Variants in SYNE1 observed in about 807,000 individuals in gnomAD.
SYNE1 encodes the protein spectrin repeat containing nuclear envelope protein 1.
In SYNE1, 616 loss-of-function variants were observed where a neutral mutation model predicts 1,111.0. The ratio of observed to expected loss-of-function variants is 0.55; its 90% CI spans 0.52 to 0.59. The LOEUF (loss-of-function observed/expected upper bound fraction) is 0.59. SYNE1 is among the 20% of genes least tolerant of loss of function. The probability of loss-of-function intolerance (pLI) is 0.00; values close to 1 mark genes in which losing one functional copy is unlikely to be tolerated. For missense variants in SYNE1, 10,006 were observed against 10,417.0 expected, an observed-to-expected ratio of 0.96 and a Z score of 1.72; for synonymous variants, 3,855 against 3,825.8, an observed-to-expected ratio of 1.01 and a Z score of -0.28.
At chr6:152,514,464 AC>A in intron 6 of SYNE1, among the ~76,000 whole-genome samples, 1 of 152,028 alleles carries the variant, frequency 6.6e-6, no homozygotes, top group Non-Finnish European at 1.5e-5. Flanking sequence ...AACATCACAC[AC>A]CAGTGCCTGT....
At position 152,373,144 on chromosome 6, in the gene SYNE1, G is replaced by T; in HGVS notation, c.9400C>A (p.Leu3134Met). The part of the protein sequence containing the change: ...MLSKGELLST[L>M]LTKEKAKGIQ... ...CCTTTCGCTTTCTCTTTGGTCAGCA[G>T]GGTACTCAGAAGTTCCCCTTTAGAC... Residue 3134 changes from leucine (L) to methionine (M), a missense_variant, in exon 59 of 146, where the codon CTG (leucine) becomes ATG (methionine). This residue lies in a region of SYNE1 where 4,955 missense variants were observed against 5,017.2 expected (regional missense o/e 0.99). Transcript: ENST00000367255. 1 of 1,614,070 alleles carries T rather than the reference G, an allele frequency of 6.2e-7. No homozygotes were observed. Among genetic ancestry groups the T allele is most frequent in the Non-Finnish European group, 8.5e-7 (1 of 1,180,030 alleles).
intron 12 of SYNE1, among the ~76,000 whole-genome samples, chr6:152,486,193 C>A (rs1226311719): frequency 6.9e-6 from 1 of 145,436 alleles, no homozygotes; most frequent in Non-Finnish European, 1.5e-5. Flanking sequence ...GAGTGACACT[C>A]TGACTAAAAA....
intron 101 of SYNE1, among the ~76,000 whole-genome samples, chr6:152,259,687 C>T (rs970218489): frequency 6.6e-6 from 1 of 152,018 alleles, no homozygotes; most frequent in Non-Finnish European, 1.5e-5. Context: ...ATGTTAACAC[C>T]TAGAACTTAA....
rs537652651 is a variant in SYNE1, at chr6:152,426,778, T to C, written c.5100+915A>G. 2.0e-5 allele frequency among the ~76,000 whole-genome samples: 3 copies of C among 152,290 alleles called. No homozygotes were observed. In the South Asian group the frequency reaches 6.2e-4, roughly 32 times the overall value. ...TGGAAGATGAGTGCAGACACCAGTG[T>C]TTAATAAACCAGAAAGGCAGGAGAA... On this transcript the variant is annotated intron_variant, in intron 38 of 145. Transcript: ENST00000367255.
chr6:152,325,746 A>T (rs1184992642), intron 80 of SYNE1, among the ~76,000 whole-genome samples: 2 of 152,330 alleles, frequency 1.3e-5, no homozygotes, highest in South Asian at 4.1e-4. Flanking sequence ...ATCGGAAGCA[A>T]ATTGCTCTGA....
intron 98 of SYNE1, among the ~76,000 whole-genome samples, chr6:152,274,724 G>A (rs1203400493): frequency 6.6e-6 from 1 of 152,018 alleles, no homozygotes; most frequent in African/African-American, 2.4e-5. Flanking sequence ...AGCCTCCTGA[G>A]TAGCTGGGAT....
intron 137 of SYNE1, chr6:152,144,051 C>T (rs550071908): frequency 6.3e-5 from 28 of 446,734 alleles, no homozygotes; most frequent in African/African-American, 1.6e-4. Flanking sequence ...TCCAGCTGAA[C>T]CCCTGATCAT....
rs374866393 is a variant in SYNE1 at position 152,462,814 on chromosome 6, G to A, written c.2174C>T (p.Thr725Met). The A allele has an allele frequency of 7.2e-5, 116 of 1,613,824 alleles. No individual in the cohort carries two copies. Among genetic ancestry groups the A allele is most frequent in the Middle Eastern group, 1.6e-4 (1 of 6,084 alleles). Residue 725 changes from threonine (T) to methionine (M), a missense_variant, in exon 20 of 146, where the codon ACG becomes ATG. Around this residue, in one of 7 missense-constraint regions of SYNE1, gnomAD observed 1,971 missense variants for 2,084.1 expected, o/e 0.95. Coordinates refer to ENST00000367255, the MANE Select transcript of SYNE1 (RefSeq NM_182961.4). ...TTCAGAAAGTTTCTTATGGGCTTCC[G>A]TTGCAAAAGCAGACAGGGTAACAAC... ...DCVVTLSAFA[T>M]EAHKKLSEPL...
At chr6:152,332,889 A>G (rs1265645194) in intron 77 of SYNE1, among the ~76,000 whole-genome samples, 1 of 152,222 alleles carries the variant, frequency 6.6e-6, no homozygotes, top group Non-Finnish European at 1.5e-5. Context: ...CAGTATGAGG[A>G]GTTCTGTTTT....
rs963496863 is a variant in SYNE1, at chr6:152,211,537, T to C, written c.22546A>G (p.Ile7516Val). Reference protein sequence around the residue: ...SRQQILHSIIIDGQRLLEQGQ... With the variant: ...SRQQILHSIIVDGQRLLEQGQ... ...TGTTCTAGAAGACGTTGCCCATCAA[T>C]AATGATTGAGTGCAAAATCTGCTGA... The change falls in exon 124 of 146, where the codon ATT becomes GTT. Residue 7516 changes from isoleucine (I) to valine (V), a missense_variant. Coordinates refer to ENST00000367255, the MANE Select transcript of SYNE1 (RefSeq NM_182961.4). The C allele has an allele frequency of 1.2e-6, 2 of 1,613,926 alleles. No homozygotes were observed. Among genetic ancestry groups the C allele is most frequent in the Admixed American group, 1.7e-5 (1 of 60,016 alleles).
chr6:152,307,100 A>G (rs1017326820), intron 91 of SYNE1, among the ~76,000 whole-genome samples: 2 of 152,206 alleles, frequency 1.3e-5, no homozygotes, highest in South Asian at 2.1e-4. Flanking sequence ...TATGTAATAT[A>G]TAGTCTAACA....
chr6:152,440,302 T>C (rs2098516901), intron 32 of SYNE1, among the ~76,000 whole-genome samples: 1 of 152,228 alleles, frequency 6.6e-6, no homozygotes. Context: ...TCTGATCGTG[T>C]GGCTTTTCCT....
intron 16 of SYNE1, among the ~76,000 whole-genome samples, chr6:152,470,675 G>A (rs2098800694): frequency 6.6e-6 from 1 of 151,978 alleles, no homozygotes; most frequent in African/African-American, 2.4e-5. Flanking sequence ...GTGAAAATAT[G>A]GTTTCAATAA....
intron 3 of SYNE1, among the ~76,000 whole-genome samples, chr6:152,560,530 T>A (rs544617938): frequency 2.8e-4 from 42 of 152,272 alleles, no homozygotes; most frequent in Admixed American, 7.8e-4. Context: ...CTAATACCAA[T>A]CTTTCCCAAA....
intron 74 of SYNE1, among the ~76,000 whole-genome samples, chr6:152,343,156 C>CT (rs11297257): frequency 3.2e-4 from 43 of 133,934 alleles, no homozygotes; most frequent in African/African-American, 5.3e-4. Flanking sequence ...GTTTTCTTTT[C>CT]TTTTTTTTTT....
chr6:152,125,517 T>A, intron 145 of SYNE1: 2 of 968,700 alleles, frequency 2.1e-6, no homozygotes, highest in Non-Finnish European at 2.9e-6. Flanking sequence ...TAAAGTGTCT[T>A]AAGAAGGATA....
chr6:152,334,287 G>A lies in SYNE1; in HGVS notation c.12529-14C>T, dbSNP rs1379666959. 1.2e-6 allele frequency: 2 copies of A among 1,612,400 alleles called. No homozygotes were observed. Among genetic ancestry groups the A allele is most frequent in the East Asian group, 4.5e-5 (2 of 44,852 alleles). The stretch of plus-strand genomic sequence containing the variant: ...CTTAACAAAATCCTAAAGGATAACA[G>A]CAACAAAAAATATGTAATGTGTTAA... On this transcript the variant is annotated splice_polypyrimidine_tract_variant and intron_variant, in intron 76 of 145. Transcript: ENST00000367255.
intron 131 of SYNE1, among the ~76,000 whole-genome samples, chr6:152,158,091 G>A (rs2061727787): frequency 6.6e-6 from 1 of 152,138 alleles, no homozygotes; most frequent in Non-Finnish European, 1.5e-5. Context: ...GAAGTAAAAT[G>A]TTTTATGATA....
rs750765264 is a variant in SYNE1, at chr6:152,352,088, T to G, written c.11519A>C (p.His3840Pro). 3 of 1,614,244 alleles carry G rather than the reference T, an allele frequency of 1.9e-6. No homozygotes were observed. Among genetic ancestry groups the G allele is most frequent in the Non-Finnish European group, 2.5e-6 (3 of 1,180,046 alleles). Reference protein sequence around the residue: ...QWIAEYQEILHVPEEPKMELY... With the variant: ...QWIAEYQEILPVPEEPKMELY... ...TTCCATTTTGGGTTCTTCAGGAACA[T>G]GTAGAATTTCCTGGTATTCTGCTAT... The change falls in exon 70 of 146, where the codon CAT (histidine) becomes CCT (proline). Residue 3840 changes from histidine to proline, a missense_variant. Physicochemically the swap from His to Pro is moderately conservative, Grantham distance 77. Transcript: ENST00000367255.
Sources: gnomAD v4.1 joint callset for allele counts (sites outside exome capture counted in the v4.1 genomes callset) on GRCh38, gnomAD v4.1.1 for gene constraint, gnomAD v4.1.1 regional missense constraint, MANE v1.5 for transcripts, NCBI Gene and HGNC (gene_info 2026-07-23, HGNC 2026-07-21) for gene names.